The following NUSAP1 variants were observed in gnomAD, a reference collection of about 807,000 sequenced individuals.
NUSAP1 encodes nucleolar and spindle-associated protein 1.
NUSAP1 carries 32 observed loss-of-function variants against 52.8 expected under a neutral mutation model. The ratio of observed to expected loss-of-function variants is 0.61; its 90% CI spans 0.46 to 0.81. NUSAP1 has a LOEUF of 0.81. Among genes scored for constraint, NUSAP1 ranks in the 40% least tolerant of loss-of-function variants. NUSAP1 has a pLI of 0.00. For synonymous variants in NUSAP1, 195 were observed against 183.1 expected, an observed-to-expected ratio of 1.06 and a Z score of -0.52; for missense variants, 499 against 522.3, an observed-to-expected ratio of 0.96 and a Z score of 0.43.
chr15:41,350,464 C>G (rs1338667789), intron 3 of NUSAP1, among the ~76,000 whole-genome samples: 2 of 148,712 alleles, frequency 1.3e-5, no homozygotes, highest in Non-Finnish European at 3.0e-5. Flanking sequence ...TTTTTTTTTT[C>G]TTTCAACCTT....
intron 1 of NUSAP1, among the ~76,000 whole-genome samples, chr15:41,335,002 A>G (rs960367475): frequency 1.3e-5 from 2 of 152,170 alleles, no homozygotes; most frequent in African/African-American, 2.4e-5. Context: ...AGATAGGTAC[A>G]TGGGGGGATT....
chr15:41,365,704 GTTTCT>G (rs1220032352), intron 7 of NUSAP1, 115 bp downstream of exon 7: 27 of 601,692 alleles, frequency 4.5e-5, no homozygotes, highest in Admixed American at 1.6e-4. Context: ...ACATAGTGAT[GTTTCT>G]TTTCTTTTCT....
chr15:41,349,090 C>A lies in NUSAP1; in HGVS notation c.163-8C>A. 6.2e-7 allele frequency: 1 copy of A among 1,612,972 alleles called. No individual in the cohort carries two copies. Among genetic ancestry groups the A allele is most frequent in the Non-Finnish European group, 8.5e-7 (1 of 1,179,140 alleles). On this transcript the variant is annotated splice_polypyrimidine_tract_variant and splice_region_variant and intron_variant, in intron 2 of 10. Transcript: ENST00000559596. ...TAGCACATAGCAGATTAATACCTCT[C>A]TTTTCAGGATGAAAGTCAAACTTCT...
intron 4 of NUSAP1, among the ~76,000 whole-genome samples, chr15:41,354,199 A>T (rs1367510077): frequency 2.0e-5 from 3 of 152,118 alleles, no homozygotes; most frequent in Non-Finnish European, 1.5e-5. Flanking sequence ...ACGTAGTGAG[A>T]CCTTGTCTCT....
intron 9 of NUSAP1, among the ~76,000 whole-genome samples, chr15:41,376,817 G>A (rs1321175825): frequency 6.6e-6 from 1 of 152,010 alleles, no homozygotes; most frequent in Non-Finnish European, 1.5e-5. Flanking sequence ...GCTCATGCCT[G>A]TAATCCCAGC....
intron 5 of NUSAP1, among the ~76,000 whole-genome samples, chr15:41,356,396 C>T (rs1198079536): frequency 3.4e-5 from 5 of 146,448 alleles, no homozygotes; most frequent in African/African-American, 1.3e-4. Context: ...GCTCTGTCAC[C>T]CAGGCTAGAG....
At chr15:41,334,041 G>A (rs1241311377) in intron 1 of NUSAP1, among the ~76,000 whole-genome samples, 1 of 152,222 alleles carries the variant, frequency 6.6e-6, no homozygotes, top group Non-Finnish European at 1.5e-5. Flanking sequence ...ATACTCTGGA[G>A]GTTTCTCCTG....
intron 8 of NUSAP1, among the ~76,000 whole-genome samples, chr15:41,372,853 C>T (rs1051582053): frequency 2.0e-5 from 3 of 151,960 alleles, no homozygotes; most frequent in Admixed American, 6.6e-5. Flanking sequence ...TTAGGGAGGC[C>T]GAGGTGGGTG....
chr15:41,336,648 G>GTT (rs75426159), intron 1 of NUSAP1, among the ~76,000 whole-genome samples: 1,036 of 91,274 alleles, frequency 0.011, 56 homozygotes, highest in African/African-American at 0.036. Context: ...CCTCCTTTTG[G>GTT]TTTTTTTTTT....
intron 6 of NUSAP1, among the ~76,000 whole-genome samples, chr15:41,359,905 G>T (rs543980720): frequency 2.0e-5 from 3 of 151,744 alleles, no homozygotes; most frequent in South Asian, 4.2e-4. Flanking sequence ...GGTATTACAT[G>T]CATGAGCCAT....
At chr15:41,360,630 T>C (rs1311815698) in intron 6 of NUSAP1, among the ~76,000 whole-genome samples, 1 of 151,966 alleles carries the variant, frequency 6.6e-6, no homozygotes, top group Non-Finnish European at 1.5e-5. Flanking sequence ...CTAATTTTTA[T>C]ATTTTCAGTA....
intron 7 of NUSAP1, among the ~76,000 whole-genome samples, chr15:41,368,842 C>T (rs960653388): frequency 2.8e-5 from 4 of 144,746 alleles, no homozygotes; most frequent in Admixed American, 2.2e-4. Context: ...AAGCAATTCT[C>T]ATGCCTCAGC....
At chr15:41,373,018 C>G (rs2049765799) in intron 8 of NUSAP1, among the ~76,000 whole-genome samples, 1 of 151,576 alleles carries the variant, frequency 6.6e-6, no homozygotes, top group Non-Finnish European at 1.5e-5. Flanking sequence ...AACCAGGAAG[C>G]AGAGGTTGCA....
chr15:41,351,242 C>T (rs965281595), intron 4 of NUSAP1, 113 bp downstream of exon 4: 3 of 1,033,762 alleles, frequency 2.9e-6, no homozygotes, highest in Non-Finnish European at 4.1e-6. Flanking sequence ...AACTGGGCAG[C>T]TTAGAACAAC....
intron 1 of NUSAP1, among the ~76,000 whole-genome samples, chr15:41,340,296 G>A (rs919253247): frequency 1.3e-5 from 2 of 151,992 alleles, no homozygotes; most frequent in African/African-American, 2.4e-5. Flanking sequence ...TTCACATCTC[G>A]GGAGGCCTTT....
intron 10 of NUSAP1, among the ~76,000 whole-genome samples, chr15:41,379,829 G>T (rs1398143785): frequency 6.6e-6 from 1 of 152,180 alleles, no homozygotes; most frequent in South Asian, 2.1e-4. Context: ...TTTCAGGCAT[G>T]AGCCATCGCG....
intron 1 of NUSAP1, among the ~76,000 whole-genome samples, chr15:41,334,883 A>G (rs891868926): frequency 6.6e-6 from 1 of 152,188 alleles, no homozygotes; most frequent in Non-Finnish European, 1.5e-5. Flanking sequence ...AAGTATTTAT[A>G]GGTGAAATGT....
At chr15:41,334,073 A>G (rs946345497) in intron 1 of NUSAP1, among the ~76,000 whole-genome samples, 5 of 152,152 alleles carry the variant, frequency 3.3e-5, no homozygotes, top group African/African-American at 1.2e-4. Flanking sequence ...ACTGACAGTG[A>G]GTAAATGCTT....
At chr15:41,340,038 G>A (rs1338867602) in intron 1 of NUSAP1, among the ~76,000 whole-genome samples, 1 of 152,114 alleles carries the variant, frequency 6.6e-6, no homozygotes, top group Non-Finnish European at 1.5e-5. Flanking sequence ...CTCCCAAAGT[G>A]CTAGGATTAC....
Sources: gnomAD v4.1 joint callset for allele counts (sites outside exome capture counted in the v4.1 genomes callset) on GRCh38, gnomAD v4.1.1 for gene constraint, MANE v1.5 for transcripts, NCBI Gene and HGNC (gene_info 2026-07-23, HGNC 2026-07-21) for gene names.